TFAP2D: variants seen among roughly 807,000 people sequenced by gnomAD.
TFAP2D encodes the protein transcription factor AP-2-delta.
Under a neutral mutation model 43.6 loss-of-function variants are expected in TFAP2D, and 9 were observed. The observed-to-expected ratio is 0.21, with a 90% CI of 0.12 to 0.36. The LOEUF is 0.36. TFAP2D is among the 10% of genes least tolerant of loss of function. The probability of loss-of-function intolerance (pLI) is 1.00; values close to 1 mark genes in which losing one functional copy is unlikely to be tolerated. For synonymous variants in TFAP2D, 256 were observed against 224.9 expected (o/e 1.14, Z -1.24); for missense variants, 513 against 561.4 (o/e 0.91, Z 0.87).
At chr6:50,767,413 A>G (rs1474176281) in intron 7 of TFAP2D, among the ~76,000 whole-genome samples, 4 of 152,198 alleles carry the variant, frequency 2.6e-5, no homozygotes, top group Non-Finnish European at 5.9e-5. Flanking sequence ...CTCTGATGCT[A>G]CCAATGTTAT....
At chr6:50,740,975 G>A (rs1314618565) in intron 5 of TFAP2D, among the ~76,000 whole-genome samples, 1 of 151,820 alleles carries the variant, frequency 6.6e-6, no homozygotes, top group Non-Finnish European at 1.5e-5. Flanking sequence ...TTTGGAGTGT[G>A]GAAAAATGAA....
intron 2 of TFAP2D, among the ~76,000 whole-genome samples, chr6:50,717,035 T>C (rs1768638770): frequency 1.3e-5 from 2 of 152,212 alleles, no homozygotes; most frequent in African/African-American, 4.8e-5. Flanking sequence ...CATTTTTACA[T>C]TTTTCACAAG....
chr6:50,728,103 A>T (rs139773908), intron 3 of TFAP2D, among the ~76,000 whole-genome samples: 2 of 152,192 alleles, frequency 1.3e-5, no homozygotes, highest in Non-Finnish European at 2.9e-5. Context: ...ACTGACAATT[A>T]TCTTTGTTTT....
intron 6 of TFAP2D, among the ~76,000 whole-genome samples, chr6:50,748,313 A>G (rs1769153606): frequency 1.3e-5 from 2 of 151,998 alleles, no homozygotes; most frequent in South Asian, 4.1e-4. Flanking sequence ...GGTAAAAGTT[A>G]ATATTAAGTA....
chr6:50,714,664 C>G (rs905826366), intron 1 of TFAP2D, among the ~76,000 whole-genome samples: 1 of 152,152 alleles, frequency 6.6e-6, no homozygotes, highest in Non-Finnish European at 1.5e-5. Context: ...AATTTCGATG[C>G]TGGGGTCTAG....
intron 5 of TFAP2D, among the ~76,000 whole-genome samples, chr6:50,740,606 T>C (rs1223158870): frequency 6.6e-6 from 1 of 151,696 alleles, no homozygotes; most frequent in African/African-American, 2.4e-5. Flanking sequence ...CTAAATATTT[T>C]TTTTGTATTT....
chr6:50,736,316 C>G (rs112069384), intron 5 of TFAP2D, among the ~76,000 whole-genome samples: 2 of 152,290 alleles, frequency 1.3e-5, no homozygotes, highest in South Asian at 2.1e-4. Flanking sequence ...TACACACATT[C>G]TGGCACTCAC....
Position 50,772,965 on chromosome 6 carries a change from ACCCTTC to A in TFAP2D, c.*105_*110del. On this transcript the variant is annotated 3_prime_UTR_variant, in exon 8 of 8. Coordinates refer to ENST00000008391, the MANE Select transcript of TFAP2D (RefSeq NM_172238.4). The stretch of plus-strand genomic sequence containing the variant: ...CTAATCTTCAGTGGACCAAATCTCT[ACCCTTC>A]CCCAACCCTCCATAAAAAAACAAAA... 3 of 1,096,162 alleles carry A rather than the reference ACCCTTC, an allele frequency of 2.7e-6. No homozygotes were observed. The highest frequency in any genetic ancestry group is 3.8e-6 in the Non-Finnish European group (3 of 783,240). 67.9% of individuals were successfully genotyped at this position (1,096,162 alleles called of 1,614,324 possible). A position where few individuals can be genotyped will look rare whatever the true frequency, so the allele number is the denominator to read the frequency against.
Position 50,715,103 on chromosome 6 carries a change from C to A in TFAP2D, c.40-13C>A. On this transcript the variant is annotated splice_polypyrimidine_tract_variant and intron_variant, in intron 1 of 7. Coordinates refer to ENST00000008391, the MANE Select transcript of TFAP2D (RefSeq NM_172238.4). ...AGTTTTTCTGCTCTCCCTTTTCCCC[C>A]TCTTCCTTCCAGATACGTCACGACG... 6.2e-7 allele frequency: 1 copy of A among 1,608,466 alleles called. No individual in the cohort carries two copies. Among genetic ancestry groups the A allele is most frequent in the South Asian group, 1.1e-5 (1 of 90,992 alleles).
Position 50,772,229 on chromosome 6 carries a change from C to T in TFAP2D, c.1140-416C>T, listed in dbSNP as rs562176424. On this transcript the variant is annotated intron_variant, in intron 7 of 7. Transcript: ENST00000008391. ...GACACAGGAAGGGGAACTCACACACCGGGGCCTGTCATGGGGTGGGCGGAG... is the reference window on the plus strand; with the variant it reads ...GACACAGGAAGGGGAACTCACACACTGGGGCCTGTCATGGGGTGGGCGGAG... Among the ~76,000 whole-genome samples, 159 of 149,622 alleles carry T rather than the reference C, an allele frequency of 1.1e-3. 1 individual carries two copies. The highest frequency in any genetic ancestry group is 3.9e-3 in the African/African-American group (157 of 40,750).
chr6:50,720,706 A>G (rs1409765042), intron 3 of TFAP2D, among the ~76,000 whole-genome samples: 1 of 152,150 alleles, frequency 6.6e-6, no homozygotes, highest in African/African-American at 2.4e-5. Flanking sequence ...TGAACAGGGG[A>G]CCAGGTGAGA....
intron 3 of TFAP2D, among the ~76,000 whole-genome samples, chr6:50,724,210 C>T (rs1670055408): frequency 6.6e-6 from 1 of 152,034 alleles, no homozygotes; most frequent in African/African-American, 2.4e-5. Flanking sequence ...ACAGGCGCAC[C>T]TCGCAGAAAT....
rs1768724619 is a variant in TFAP2D at position 50,721,507 on chromosome 6, T to A, written c.598+2357T>A. On this transcript the variant is annotated intron_variant, in intron 3 of 7. Coordinates refer to ENST00000008391, the MANE Select transcript of TFAP2D (RefSeq NM_172238.4). ...TCCCAAAAGAGGGCGTATATTTTGC[T>A]GCAGCCTGCCCAGCCCCTCATCTCA... 2.0e-5 allele frequency among the ~76,000 whole-genome samples: 3 copies of A among 152,342 alleles called. No individual in the cohort carries two copies. In the South Asian group the frequency reaches 6.2e-4, roughly 32 times the overall value.
At chr6:50,765,209 T>C (rs1400938201) in intron 7 of TFAP2D, among the ~76,000 whole-genome samples, 1 of 152,186 alleles carries the variant, frequency 6.6e-6, no homozygotes, top group Admixed American at 6.5e-5. Context: ...GTTATTTCAG[T>C]TAGCATAATG....
At chr6:50,740,006 T>C (rs1177149984) in intron 5 of TFAP2D, among the ~76,000 whole-genome samples, 1 of 152,208 alleles carries the variant, frequency 6.6e-6, no homozygotes, top group Non-Finnish European at 1.5e-5. Flanking sequence ...CTGGGAAATC[T>C]GTAAGTCAGG....
At chr6:50,719,441 GAC>G (rs1768680063) in intron 3 of TFAP2D, among the ~76,000 whole-genome samples, 2 of 145,714 alleles carry the variant, frequency 1.4e-5, no homozygotes, top group East Asian at 2.0e-4. Flanking sequence ...AAAAGAAAAA[GAC>G]AGAGAGAAAG....
At chr6:50,741,082 A>G (rs531600597) in intron 5 of TFAP2D, among the ~76,000 whole-genome samples, 2 of 151,994 alleles carry the variant, frequency 1.3e-5, no homozygotes, top group South Asian at 2.1e-4. Flanking sequence ...TAATATAAGT[A>G]TTAAATATCT....
At chr6:50,768,704 C>T (rs1238879872) in intron 7 of TFAP2D, among the ~76,000 whole-genome samples, 1 of 152,054 alleles carries the variant, frequency 6.6e-6, no homozygotes, top group Non-Finnish European at 1.5e-5. Context: ...AGAATCTTTG[C>T]CTTACATTTA....
At chr6:50,769,866 T>C (rs1769499969) in intron 7 of TFAP2D, among the ~76,000 whole-genome samples, 1 of 152,202 alleles carries the variant, frequency 6.6e-6, no homozygotes, top group East Asian at 1.9e-4. Flanking sequence ...TAACTAGAAT[T>C]ATATGAAGTG....
Sources: allele counts gnomAD v4.1 joint callset (sites outside exome capture counted in the v4.1 genomes callset), GRCh38; gene constraint gnomAD v4.1.1; transcripts MANE v1.5; gene names NCBI Gene and HGNC (gene_info 2026-07-23, HGNC 2026-07-21).